The following ATG5 variants were observed in gnomAD, a reference collection of about 807,000 sequenced individuals.
ATG5 encodes autophagy related 5.
Under a neutral mutation model 36.5 loss-of-function variants are expected in ATG5, and 14 were observed. The ratio of observed to expected loss-of-function variants is 0.38; its 90% CI spans 0.25 to 0.60. The LOEUF (loss-of-function observed/expected upper bound fraction) is 0.60. Among genes scored for constraint, ATG5 ranks in the 20% least tolerant of loss-of-function variants. The pLI is 0.60. For synonymous variants in ATG5, 95 were observed against 101.5 expected, an observed-to-expected ratio of 0.94 and a Z score of 0.38; for missense variants, 195 against 326.7, an observed-to-expected ratio of 0.60 and a Z score of 3.11.
rs946705067 is a variant in ATG5, at chr6:106,251,756, GA to G, written c.479-3513del. On this transcript the variant is annotated intron_variant, in intron 5 of 7. Coordinates refer to ENST00000369076, the MANE Select transcript of ATG5 (RefSeq NM_004849.4). Reference sequence around the variant, plus strand: ...GAAAGAAAGAAAGAAAAGAAAGAAAGAAAAAGAAAAGAAGAAAAGAAAAGGA... The same window carrying G: ...GAAAGAAAGAAAGAAAAGAAAGAAAGAAAAGAAAAGAAGAAAAGAAAAGGA... 9.3e-5 allele frequency among the ~76,000 whole-genome samples: 14 copies of G among 150,462 alleles called. 1 individual carries two copies. Among genetic ancestry groups the G allele is most frequent in the Middle Eastern group, 3.4e-3 (1 of 294 alleles).
At chr6:106,308,851 CAATT>C (rs1048561935) in intron 2 of ATG5, among the ~76,000 whole-genome samples, 2 of 152,072 alleles carry the variant, frequency 1.3e-5, no homozygotes, top group African/African-American at 2.4e-5. Flanking sequence ...TCATCTGAGT[CAATT>C]AAACTGTTCT....
intron 6 of ATG5, among the ~76,000 whole-genome samples, chr6:106,213,727 G>T (rs1776938990): frequency 6.6e-6 from 1 of 152,166 alleles, no homozygotes; most frequent in Non-Finnish European, 1.5e-5. Context: ...ACAACGTACT[G>T]TGTATCTAGA....
chr6:106,233,386 A>G (rs981591108), intron 6 of ATG5, among the ~76,000 whole-genome samples: 10 of 152,370 alleles, frequency 6.6e-5, no homozygotes, highest in Admixed American at 2.0e-4. Flanking sequence ...ATTTAGTAAG[A>G]TGGACACCTG....
intron 6 of ATG5, among the ~76,000 whole-genome samples, chr6:106,236,122 CT>C (rs545652100): frequency 1.3e-3 from 202 of 152,224 alleles, no homozygotes; most frequent in African/African-American, 4.7e-3. Flanking sequence ...TGTATTGGTT[CT>C]TTTTACTCAA....
At chr6:106,254,904 C>T (rs529961133) in intron 5 of ATG5, among the ~76,000 whole-genome samples, 26 of 152,336 alleles carry the variant, frequency 1.7e-4, no homozygotes, top group African/African-American at 6.3e-4. Context: ...TGGAGTTATG[C>T]AATTGAGCAG....
In ATG5 at chr6:106,201,977, G is replaced by C; in HGVS notation, c.686C>G (p.Pro229Arg). 2 of 1,606,196 alleles carry C rather than the reference G, an allele frequency of 1.2e-6. No individual in the cohort carries two copies. The highest frequency in any genetic ancestry group is 8.5e-7 in the Non-Finnish European group (1 of 1,174,164). The change falls in exon 7 of 8, where the codon CCT becomes CGT. Residue 229 changes from proline (P) to arginine (R), a missense_variant. Pro to Arg is a moderately radical substitution (Grantham distance 103, BLOSUM62 -2). Coordinates refer to ENST00000369076, the MANE Select transcript of ATG5 (RefSeq NM_004849.4). ...AATGTTGCTGATTGTATTACCTTCA[G>C]GATCAATAGCAGAAGGACAAACTTC... is the stretch of plus-strand genomic sequence containing the variant. ...LKEVCPSAID[P>R]EDGEKKNQVM...
chr6:106,194,323 T>C (rs533035268), intron 7 of ATG5, among the ~76,000 whole-genome samples: 1 of 152,260 alleles, frequency 6.6e-6, no homozygotes, highest in Non-Finnish European at 1.5e-5. Context: ...TCAAATATTA[T>C]CTCAAATCAC....
At chr6:106,233,320 CG>C (rs1777761670) in intron 6 of ATG5, among the ~76,000 whole-genome samples, 1 of 152,142 alleles carries the variant, frequency 6.6e-6, no homozygotes, top group South Asian at 2.1e-4. Flanking sequence ...CCAGGTACGG[CG>C]AAATAGCCAG....
At chr6:106,262,315 C>A (rs55682462) in intron 5 of ATG5, among the ~76,000 whole-genome samples, 1 of 152,032 alleles carries the variant, frequency 6.6e-6, no homozygotes, top group Non-Finnish European at 1.5e-5. Flanking sequence ...CCACTCACCT[C>A]GGCCTCCCAA....
chr6:106,287,609 A>G (rs2787538), intron 4 of ATG5, among the ~76,000 whole-genome samples: 17,215 of 152,246 alleles, frequency 0.11, 1,063 homozygotes, highest in African/African-American at 0.16. Flanking sequence ...GGAAGAAAGA[A>G]AAACACCAAG....
intron 6 of ATG5, among the ~76,000 whole-genome samples, chr6:106,234,099 A>G (rs1189158852): frequency 1.3e-5 from 2 of 152,126 alleles, no homozygotes; most frequent in African/African-American, 2.4e-5. Context: ...TACTTCACCC[A>G]TACTGGTATG....
chr6:106,269,035 TTAAAG>T (rs1779336095), intron 5 of ATG5, among the ~76,000 whole-genome samples: 1 of 152,150 alleles, frequency 6.6e-6, no homozygotes, highest in Admixed American at 6.6e-5. Flanking sequence ...ATCCTAGAAC[TTAAAG>T]TAAAATAAAA....
chr6:106,243,519 C>A (rs1189864677), intron 6 of ATG5, among the ~76,000 whole-genome samples: 1 of 130,450 alleles, frequency 7.7e-6, no homozygotes. Context: ...CAGAGCAAGA[C>A]CCTCTCTGGG....
intron 6 of ATG5, among the ~76,000 whole-genome samples, chr6:106,225,492 A>T (rs2114442712): frequency 6.6e-6 from 1 of 151,782 alleles, no homozygotes; most frequent in South Asian, 2.1e-4. Context: ...TTAAAACTTT[A>T]AAAAACACCT....
intron 5 of ATG5, among the ~76,000 whole-genome samples, chr6:106,251,901 C>T (rs571085480): frequency 1.1e-4 from 16 of 151,890 alleles, no homozygotes; most frequent in Admixed American, 5.9e-4. Context: ...AGTGCAGTGG[C>T]GAGATCTCTG....
At chr6:106,273,680 C>G (rs977147759) in intron 5 of ATG5, among the ~76,000 whole-genome samples, 3 of 152,104 alleles carry the variant, frequency 2.0e-5, no homozygotes, top group Non-Finnish European at 4.4e-5. Flanking sequence ...AGAGACACAG[C>G]AATAAATAAA....
intron 7 of ATG5, among the ~76,000 whole-genome samples, chr6:106,201,275 ATGTGTGTGTG>A (rs138478446): frequency 3.4e-5 from 5 of 149,206 alleles, no homozygotes; most frequent in Non-Finnish European, 7.4e-5. Flanking sequence ...TCAAGTGTAT[ATGTGTGTGTG>A]TGTGTGTGTG....
rs752612830 is a variant in ATG5, at chr6:106,316,116, T to C, written c.93A>G (p.Glu31=). The change falls in exon 2 of 8, where the codon GAA becomes GAG. Residue 31 remains glutamate, a synonymous_variant. Coordinates refer to ENST00000369076, the MANE Select transcript of ATG5 (RefSeq NM_004849.4). ...ATGTACTTACATAGTATGGTTCTGC[T>C]TCCCTTTCAGTTATCTCATCCTGAT... ...TLYQDEITER[E]AEPYYLLLPR... 11 of 1,612,838 alleles carry C rather than the reference T, an allele frequency of 6.8e-6. No homozygotes were observed. In the African/African-American group the frequency reaches 1.2e-4, roughly 18 times the overall value.
intron 3 of ATG5, among the ~76,000 whole-genome samples, chr6:106,295,429 T>G (rs1233829568): frequency 6.6e-6 from 1 of 152,190 alleles, no homozygotes; most frequent in Non-Finnish European, 1.5e-5. Context: ...TCACTCGAGA[T>G]CACATAAAAT....
Sources: allele counts gnomAD v4.1 joint callset (sites outside exome capture counted in the v4.1 genomes callset), GRCh38; gene constraint gnomAD v4.1.1; transcripts MANE v1.5; gene names NCBI Gene and HGNC (gene_info 2026-07-23, HGNC 2026-07-21).